Variants in CHST3 observed in about 807,000 individuals in gnomAD.
CHST3 encodes the protein carbohydrate sulfotransferase 3.
CHST3 carries 20 observed loss-of-function variants against 35.4 expected under a neutral mutation model. That is an observed-to-expected ratio of 0.57 (90% CI 0.40 to 0.82). CHST3 has a LOEUF of 0.82. Among genes scored for constraint, CHST3 ranks in the 40% least tolerant of loss-of-function variants. The pLI is 0.00. For missense variants in CHST3, 693 were observed against 670.1 expected, an observed-to-expected ratio of 1.03 and a Z score of -0.38; for synonymous variants, 334 against 295.9, an observed-to-expected ratio of 1.13 and a Z score of -1.32.
intron 1 of CHST3, among the ~76,000 whole-genome samples, chr10:72,001,974 T>C (rs914243430): frequency 1.6e-4 from 24 of 152,222 alleles, no homozygotes; most frequent in Non-Finnish European, 1.5e-5. Flanking sequence ...TGGTGAGTTC[T>C]GCGTGGGGCT....
At position 72,008,381 on chromosome 10, in the gene CHST3, C is replaced by A; in HGVS notation, c.1350C>A (p.Leu450=). 6.4e-7 allele frequency: 1 copy of A among 1,568,992 alleles called. No homozygotes were observed. The highest frequency in any genetic ancestry group is 2.4e-5 in the East Asian group (1 of 42,550). Residue 450 remains leucine, a synonymous_variant, in exon 3 of 3, where the codon CTC becomes CTA. Transcript: ENST00000373115. ...VQAACGPAMR[L]FGYKLARDAA... ...CCGCCTGCGGCCCTGCCATGCGCCT[C>A]TTCGGCTACAAACTGGCGCGGGACG...
Position 72,012,746 on chromosome 10 carries a change from G to T in CHST3, c.*4275G>T, listed in dbSNP as rs1250004299. On this transcript the variant is annotated 3_prime_UTR_variant, in exon 3 of 3. Transcript: ENST00000373115. ...CCAGGGCTCCTGAGTTGGTGGGTTT[G>T]CTTGTGAAGCTTCTAGGACAAGGCG... 6.6e-6 allele frequency: 1 copy of T among 152,418 alleles called. No homozygotes were observed. Among genetic ancestry groups the T allele is most frequent in the Non-Finnish European group, 1.5e-5 (1 of 68,182 alleles). The allele number at this position is 152,418 out of a possible 1,614,324, so 9.4% of individuals were successfully genotyped here. A position where few individuals can be genotyped will look rare whatever the true frequency, so the allele number is the denominator to read the frequency against.
intron 1 of CHST3, among the ~76,000 whole-genome samples, chr10:71,990,596 C>CA: frequency 6.6e-6 from 1 of 152,318 alleles, no homozygotes; most frequent in Middle Eastern, 3.4e-3. Context: ...CTCCCGCCCT[C>CA]AGGTGATCCA....
In CHST3 at chr10:72,005,750, C is replaced by G; in HGVS notation, c.-93C>G. On this transcript the variant is annotated 5_prime_UTR_variant, in exon 2 of 3. Transcript: ENST00000373115. ...TCTCTCCGCAGGACAAGGGTGTCCC[C>G]CACCTGAAGACGGCAAGCTGGGTCC... 6.5e-7 allele frequency: 1 copy of G among 1,536,520 alleles called. No individual in the cohort carries two copies. Among genetic ancestry groups the G allele is most frequent in the Non-Finnish European group, 9.0e-7 (1 of 1,113,246 alleles).
At chr10:71,984,760 A>G (rs1379423092) in intron 1 of CHST3, among the ~76,000 whole-genome samples, 1 of 152,244 alleles carries the variant, frequency 6.6e-6, no homozygotes, top group African/African-American at 2.4e-5. Flanking sequence ...ATTTATGTAC[A>G]TGAAGTACTT....
At chr10:71,980,037 A>G (rs1183739419) in intron 1 of CHST3, among the ~76,000 whole-genome samples, 1 of 152,148 alleles carries the variant, frequency 6.6e-6, no homozygotes, top group Non-Finnish European at 1.5e-5. Context: ...ACTGTATCGG[A>G]TGGGGAAAGA....
chr10:71,995,147 G>A (rs750363060), intron 1 of CHST3, among the ~76,000 whole-genome samples: 3 of 152,178 alleles, frequency 2.0e-5, no homozygotes, highest in Middle Eastern at 3.4e-3. Flanking sequence ...TTTTCCAGCC[G>A]GGTGCGGTGA....
At position 72,007,568 on chromosome 10, in the gene CHST3, C is replaced by G. The variant is rs777302566; in HGVS notation, c.537C>G (p.Ala179=). Residue 179 remains alanine, a synonymous_variant, in exon 3 of 3, where the codon GCC becomes GCG. Coordinates refer to ENST00000373115, the MANE Select transcript of CHST3 (RefSeq NM_004273.5). Reference sequence around the variant, plus strand: ...CAGTGTCCTTCGAGCCGGGGGGCGCCAACGCCGCGGGCTCGGCCCTGGTGT... The same window carrying G: ...CAGTGTCCTTCGAGCCGGGGGGCGCGAACGCCGCGGGCTCGGCCCTGGTGT... The part of the protein sequence containing the change: ...ERTVSFEPGG[A]NAAGSALVYR... 2 of 1,607,922 alleles carry G rather than the reference C, an allele frequency of 1.2e-6. No individual in the cohort carries two copies. The highest frequency in any genetic ancestry group is 1.7e-6 in the Non-Finnish European group (2 of 1,179,788).
In CHST3 at chr10:71,967,374, G is replaced by A. The variant is rs147771541; in HGVS notation, c.-108+2680G>A. ...TGGTGTCTGTTGTTCCCTTCTTTGC[G>A]TTCAGATGTACCCAATGTTTAGCTC... On this transcript the variant is annotated intron_variant, in intron 1 of 2. Coordinates refer to ENST00000373115, the MANE Select transcript of CHST3 (RefSeq NM_004273.5). 6.1e-3 allele frequency among the ~76,000 whole-genome samples: 923 copies of A among 152,168 alleles called. 5 individuals carry two copies. Among genetic ancestry groups the A allele is most frequent in the Non-Finnish European group, 9.2e-3 (629 of 68,012 alleles).
intron 1 of CHST3, among the ~76,000 whole-genome samples, chr10:71,973,801 G>A (rs1420742501): frequency 6.6e-6 from 1 of 152,260 alleles, no homozygotes; most frequent in Non-Finnish European, 1.5e-5. Flanking sequence ...AGGCATTCCA[G>A]TGCATGAGGG....
At chr10:71,994,931 C>T (rs1169372637) in intron 1 of CHST3, among the ~76,000 whole-genome samples, 3 of 152,234 alleles carry the variant, frequency 2.0e-5, no homozygotes, top group Admixed American at 2.0e-4. Context: ...AAATTTTCTG[C>T]AGCTTCCTTG....
At chr10:71,978,647 T>G (rs144452638) in intron 1 of CHST3, among the ~76,000 whole-genome samples, 4 of 152,324 alleles carry the variant, frequency 2.6e-5, no homozygotes, top group African/African-American at 9.6e-5. Context: ...TCCCATGTGG[T>G]AGGTGCTGTC....
Position 72,008,293 on chromosome 10 carries a change from C to G in CHST3, c.1262C>G (p.Ser421Cys), listed in dbSNP as rs774866759. 1.9e-6 allele frequency: 3 copies of G among 1,585,968 alleles called. No homozygotes were observed. Among genetic ancestry groups the G allele is most frequent in the East Asian group, 4.6e-5 (2 of 43,444 alleles). Residue 421 changes from serine (S) to cysteine (C), a missense_variant, in exon 3 of 3, where the codon TCC becomes TGC. Transcript: ENST00000373115. The stretch of plus-strand genomic sequence containing the variant: ...GGCATCTACTCCACGCAGAAGAACT[C>G]CTCGGAGCAGTTCGAGAAGTGGCGC... Reference protein sequence around the residue: ...GSGIYSTQKNSSEQFEKWRFS... With the variant: ...GSGIYSTQKNCSEQFEKWRFS...
rs550221072 is a variant in CHST3 at position 71,968,717 on chromosome 10, A to T, written c.-108+4023A>T. 2.6e-5 allele frequency among the ~76,000 whole-genome samples: 4 copies of T among 152,166 alleles called. No individual in the cohort carries two copies. The East Asian group carries it at 7.7e-4, about 29-fold the overall frequency. ...TTTCCATACACTCTGCCGAGCCTGG[A>T]TATACCTTAGGCTGTGGGAATCAAA... On this transcript the variant is annotated intron_variant, in intron 1 of 2. Coordinates refer to ENST00000373115, the MANE Select transcript of CHST3 (RefSeq NM_004273.5).
intron 1 of CHST3, among the ~76,000 whole-genome samples, chr10:71,996,451 C>CGTGTGTGTGTGT (rs10564775): frequency 0.012 from 1,689 of 146,472 alleles, 41 homozygotes; most frequent in African/African-American, 0.041. Context: ...TGTGTCTCTG[C>CGTGTGTGTGTGT]GTGTGTGTGT....
intron 1 of CHST3, among the ~76,000 whole-genome samples, chr10:71,971,491 G>T (rs1429494322): frequency 2.0e-5 from 3 of 152,172 alleles, no homozygotes; most frequent in African/African-American, 2.4e-5. Flanking sequence ...GCCTGTGCCT[G>T]TGCCAGCCCC....
intron 1 of CHST3, among the ~76,000 whole-genome samples, chr10:72,001,007 G>A (rs1307020471): frequency 1.3e-5 from 2 of 152,162 alleles, no homozygotes. Flanking sequence ...ATTCGGTGGA[G>A]GGGTGCGGGG....
At chr10:71,976,094 T>C (rs1442763224) in intron 1 of CHST3, among the ~76,000 whole-genome samples, 1 of 152,212 alleles carries the variant, frequency 6.6e-6, no homozygotes, top group Non-Finnish European at 1.5e-5. Flanking sequence ...GGGCTTGCAC[T>C]TCTGATTCAT....
intron 1 of CHST3, among the ~76,000 whole-genome samples, chr10:71,970,254 C>A (rs1839678792): frequency 6.7e-6 from 1 of 150,146 alleles, no homozygotes; most frequent in Non-Finnish European, 1.5e-5. Context: ...TCCCCCTCAC[C>A]CCCCACCACC....
Sources: gnomAD v4.1 joint callset for allele counts (sites outside exome capture counted in the v4.1 genomes callset) on GRCh38, gnomAD v4.1.1 for gene constraint, MANE v1.5 for transcripts, NCBI Gene and HGNC (gene_info 2026-07-23, HGNC 2026-07-21) for gene names.